FSTL5: variants seen among roughly 807,000 people sequenced by gnomAD.
FSTL5 encodes follistatin-related protein 5.
Under a neutral mutation model 89.1 loss-of-function variants are expected in FSTL5, and 62 were observed. That is an observed-to-expected ratio of 0.70 (90% CI 0.57 to 0.86). FSTL5 has a LOEUF of 0.86. FSTL5 is among the 40% of genes least tolerant of loss of function. FSTL5 has a pLI of 0.00. For missense variants in FSTL5, 1,057 were observed against 1,001.6 expected (o/e 1.06, Z -0.75); for synonymous variants, 383 against 346.2 (o/e 1.11, Z -1.18).
In FSTL5 at chr4:161,385,830, G is replaced by C. The variant is rs1039402595; in HGVS notation, c.2461C>G (p.Leu821Val). 12 of 1,613,512 alleles carry C rather than the reference G, an allele frequency of 7.4e-6. No individual in the cohort carries two copies. The highest frequency in any genetic ancestry group is 1.6e-4 in the Middle Eastern group (1 of 6,074). The change falls in exon 16 of 16, where the codon CTA (leucine) becomes GTA (valine). Residue 821 changes from leucine to valine, a missense_variant. Transcript: ENST00000306100. ...MTPSKDSLFI[L>V]DGRLNKLNCE... The stretch of plus-strand genomic sequence containing the variant: ...TTTAATTTATTGAGTCGTCCATCTA[G>C]GATGAAGAGAGAGTCCTTGGAAGGT...
chr4:161,727,969 C>T (rs775755631), intron 6 of FSTL5, among the ~76,000 whole-genome samples: 11 of 152,196 alleles, frequency 7.2e-5, no homozygotes, highest in Admixed American at 2.0e-4. Context: ...GGCGACAGAG[C>T]TAGACTCTGT....
intron 4 of FSTL5, among the ~76,000 whole-genome samples, chr4:161,793,901 G>T (rs1345849815): frequency 6.6e-6 from 1 of 152,224 alleles, no homozygotes; most frequent in African/African-American, 2.4e-5. Context: ...GAGCCACTGT[G>T]CCTGGCCAAG....
At chr4:161,416,545 TA>T (rs1407711235) in intron 15 of FSTL5, among the ~76,000 whole-genome samples, 1 of 152,098 alleles carries the variant, frequency 6.6e-6, no homozygotes, top group Non-Finnish European at 1.5e-5. Flanking sequence ...TCTGTAAGTT[TA>T]AAAAATACTC....
chr4:161,420,503 T>C (rs965029777), intron 15 of FSTL5, among the ~76,000 whole-genome samples: 3 of 152,136 alleles, frequency 2.0e-5, no homozygotes, highest in African/African-American at 7.2e-5. Flanking sequence ...ACATAAGATA[T>C]ATTGACTTTA....
At chr4:161,432,840 A>G (rs1732427432) in intron 15 of FSTL5, among the ~76,000 whole-genome samples, 1 of 152,046 alleles carries the variant, frequency 6.6e-6, no homozygotes, top group Non-Finnish European at 1.5e-5. Flanking sequence ...AAAGAAACGG[A>G]TACATTCCTG....
intron 13 of FSTL5, among the ~76,000 whole-genome samples, chr4:161,462,120 C>T (rs1056329081): frequency 2.0e-5 from 3 of 152,166 alleles, no homozygotes; most frequent in Non-Finnish European, 2.9e-5. Context: ...ATAGGTTAGG[C>T]TAACACCTAC....
intron 7 of FSTL5, among the ~76,000 whole-genome samples, chr4:161,642,748 A>G (rs1237666367): frequency 6.6e-6 from 1 of 152,180 alleles, no homozygotes; most frequent in African/African-American, 2.4e-5. Context: ...TACTTAGAGT[A>G]TGCAAAATCA....
intron 6 of FSTL5, among the ~76,000 whole-genome samples, chr4:161,678,745 A>T (rs1490150541): frequency 6.6e-6 from 1 of 151,830 alleles, no homozygotes; most frequent in Non-Finnish European, 1.5e-5. Flanking sequence ...GAATGCCAAA[A>T]GAAAGAAAGA....
At chr4:161,505,651 C>A (rs1364764098) in intron 11 of FSTL5, among the ~76,000 whole-genome samples, 2 of 152,076 alleles carry the variant, frequency 1.3e-5, no homozygotes, top group African/African-American at 2.4e-5. Context: ...TAATAAATGG[C>A]ATTGGTTGAA....
intron 15 of FSTL5, among the ~76,000 whole-genome samples, chr4:161,423,656 A>C (rs2126319599): frequency 6.6e-6 from 1 of 152,118 alleles, no homozygotes; most frequent in African/African-American, 2.4e-5. Flanking sequence ...CTGAGATATT[A>C]GTGAAATAAA....
At chr4:162,036,836 C>T (rs370622944) in intron 2 of FSTL5, among the ~76,000 whole-genome samples, 29 of 151,820 alleles carry the variant, frequency 1.9e-4, no homozygotes, top group Middle Eastern at 3.4e-3. Flanking sequence ...TTAGATAAAA[C>T]GTTTTTTGGT....
At chr4:161,623,876 G>T (rs1028583642) in intron 7 of FSTL5, among the ~76,000 whole-genome samples, 1 of 151,758 alleles carries the variant, frequency 6.6e-6, no homozygotes, top group Admixed American at 6.6e-5. Context: ...TGAAATATTT[G>T]ACATAGTAAA....
chr4:161,974,179 C>A (rs1428357719), intron 3 of FSTL5, among the ~76,000 whole-genome samples: 1 of 152,162 alleles, frequency 6.6e-6, no homozygotes, highest in Non-Finnish European at 1.5e-5. Context: ...AATGGCCATA[C>A]TGCCCAAGGT....
intron 3 of FSTL5, among the ~76,000 whole-genome samples, chr4:161,961,591 ATT>A (rs1372266558): frequency 7.9e-5 from 12 of 151,390 alleles, no homozygotes; most frequent in African/African-American, 2.9e-4. Flanking sequence ...TCTGAAGAGC[ATT>A]CTTTCTTTAT....
intron 4 of FSTL5, among the ~76,000 whole-genome samples, chr4:161,846,048 CAA>C (rs34298769): frequency 1.1e-3 from 153 of 144,026 alleles, no homozygotes; most frequent in Admixed American, 1.2e-3. Context: ...GACTCCGTCT[CAA>C]AAAAAAAAAA....
At chr4:162,153,728 G>GTATAT (rs1228946490) in intron 1 of FSTL5, among the ~76,000 whole-genome samples, 32,641 of 72,484 alleles carry the variant, frequency 0.45, 6,834 homozygotes, top group Non-Finnish European at 0.57. Flanking sequence ...AATAATATAT[G>GTATAT]TATATATGTA....
At chr4:161,999,987 C>A (rs191072560) in intron 3 of FSTL5, among the ~76,000 whole-genome samples, 2 of 152,240 alleles carry the variant, frequency 1.3e-5, no homozygotes, top group East Asian at 3.9e-4. Context: ...ATAAGGTCAG[C>A]CTGTACTAAA....
intron 4 of FSTL5, among the ~76,000 whole-genome samples, chr4:161,811,640 A>C (rs1730150390): frequency 6.6e-6 from 1 of 152,134 alleles, no homozygotes; most frequent in Non-Finnish European, 1.5e-5. Context: ...GATTATATCA[A>C]GCGGGCTTGA....
chr4:161,534,699 G>A (rs1465251372), intron 10 of FSTL5, among the ~76,000 whole-genome samples: 1 of 151,978 alleles, frequency 6.6e-6, no homozygotes, highest in Non-Finnish European at 1.5e-5. Flanking sequence ...TACCAATGTT[G>A]TATCTCACAG....
Sources: allele counts gnomAD v4.1 joint callset (sites outside exome capture counted in the v4.1 genomes callset), GRCh38; gene constraint gnomAD v4.1.1; transcripts MANE v1.5; gene names NCBI Gene and HGNC (gene_info 2026-07-23, HGNC 2026-07-21).